Variants in LMO7 observed in about 807,000 individuals in gnomAD.
The protein encoded by LMO7 is LIM domain 7.
In LMO7, 120 loss-of-function variants were observed where a neutral mutation model predicts 206.5. That is an observed-to-expected ratio of 0.58 (90% CI 0.50 to 0.68). The LOEUF is 0.68. Among genes scored for constraint, LMO7 ranks in the 30% least tolerant of loss-of-function variants. The pLI, the probability that LMO7 is intolerant of heterozygous loss-of-function variation, is 0.00. For synonymous variants in LMO7, 706 were observed against 681.5 expected (o/e 1.04, Z -0.56); for missense variants, 1,959 against 1,957.9 (o/e 1.00, Z -0.01).
chr13:75,737,425 A>T (rs918143816), intron 3 of LMO7, among the ~76,000 whole-genome samples: 2 of 151,808 alleles, frequency 1.3e-5, no homozygotes, highest in Non-Finnish European at 2.9e-5. Context: ...ATTAATACAG[A>T]TAGGTACATG....
intron 11 of LMO7, among the ~76,000 whole-genome samples, chr13:75,812,137 C>T (rs903268668): frequency 7.8e-5 from 10 of 127,740 alleles, no homozygotes; most frequent in Non-Finnish European, 1.1e-4. Context: ...CAACTAGTGC[C>T]TTCATAGCCA....
intron 1 of LMO7, among the ~76,000 whole-genome samples, chr13:75,702,990 A>T (rs1269802052): frequency 6.6e-6 from 1 of 152,268 alleles, no homozygotes; most frequent in Non-Finnish European, 1.5e-5. Flanking sequence ...TTCAAAAAGT[A>T]TCACTAGAGT....
intron 15 of LMO7, among the ~76,000 whole-genome samples, chr13:75,830,393 T>G (rs2058548377): frequency 6.6e-6 from 1 of 152,180 alleles, no homozygotes; most frequent in South Asian, 2.1e-4. Flanking sequence ...TGCATAAGAC[T>G]TTGATTTGAA....
chr13:75,649,524 GTGTTGAAAGTATAGATT>G (rs1464902499), intron 1 of LMO7, among the ~76,000 whole-genome samples: 1 of 152,162 alleles, frequency 6.6e-6, no homozygotes, highest in East Asian at 1.9e-4. Flanking sequence ...AATCTATCAC[GTGTTGAAAGTATAGATT>G]TGTTGAAAGT....
At chr13:75,810,165 G>C (rs1405016927) in intron 11 of LMO7, among the ~76,000 whole-genome samples, 1 of 152,034 alleles carries the variant, frequency 6.6e-6, no homozygotes, top group African/African-American at 2.4e-5. Context: ...AAATCACAAG[G>C]TGGCTATATC....
chr13:75,849,360 C>T, intron 27 of LMO7, 68 bp downstream of exon 27: 1 of 1,245,742 alleles, frequency 8.0e-7, no homozygotes, highest in Non-Finnish European at 1.2e-6. Flanking sequence ...TGTAGACATC[C>T]TGGTGCTTTG....
chr13:75,649,313 TC>T (rs1295540110), intron 1 of LMO7, among the ~76,000 whole-genome samples: 4 of 152,190 alleles, frequency 2.6e-5, no homozygotes, highest in Admixed American at 1.3e-4. Flanking sequence ...GAAAATGTCT[TC>T]TGTTAGGAGG....
chr13:75,710,430 G>A (rs1232098160), intron 1 of LMO7, among the ~76,000 whole-genome samples: 5 of 152,152 alleles, frequency 3.3e-5, no homozygotes, highest in Admixed American at 1.3e-4. Context: ...CTATCCATGA[G>A]CATGGAATGT....
chr13:75,690,381 C>T (rs1231593493), intron 1 of LMO7, among the ~76,000 whole-genome samples: 2 of 152,142 alleles, frequency 1.3e-5, no homozygotes, highest in Non-Finnish European at 2.9e-5. Context: ...CCCAAAATGT[C>T]ACCAGGACCC....
At chr13:75,849,864 C>G (rs145686833) in intron 27 of LMO7, among the ~76,000 whole-genome samples, 2 of 152,138 alleles carry the variant, frequency 1.3e-5, no homozygotes, top group African/African-American at 4.8e-5. Flanking sequence ...TCAGTATTTT[C>G]TTATCTGACA....
intron 4 of LMO7, among the ~76,000 whole-genome samples, chr13:75,777,642 T>G (rs2050689207): frequency 7.9e-6 from 1 of 126,642 alleles, no homozygotes; most frequent in Admixed American, 9.3e-5. Context: ...TGATTTTCTT[T>G]TCTTGTTTTT....
intron 19 of LMO7, among the ~76,000 whole-genome samples, chr13:75,837,511 A>G (rs950689163): frequency 2.0e-5 from 3 of 152,154 alleles, no homozygotes; most frequent in Admixed American, 6.5e-5. Context: ...ATTTTATGCC[A>G]TAGTCTTGTG....
Position 75,764,560 on chromosome 13 carries a change from G to T in LMO7, c.317+3522G>T, listed in dbSNP as rs74565247. On this transcript the variant is annotated intron_variant, in intron 4 of 30. Transcript: ENST00000377534. ...AAGCAACTTGACAGAGTAGCCTAGA[G>T]GTCCTGTATTGGAGAACTTGAAGTT... 1.5e-3 allele frequency among the ~76,000 whole-genome samples: 222 copies of T among 152,224 alleles called. 1 individual carries two copies. Among genetic ancestry groups the T allele is most frequent in the African/African-American group, 5.1e-3 (211 of 41,546 alleles).
upstream of LMO7, among the ~76,000 whole-genome samples, chr13:75,633,419 C>A (rs564994597): frequency 6.6e-6 from 1 of 152,266 alleles, no homozygotes; most frequent in African/African-American, 2.4e-5. Context: ...AAACAAAAAC[C>A]ATCACCCCAG....
At chr13:75,735,117 G>T (rs905325038) in intron 3 of LMO7, among the ~76,000 whole-genome samples, 3 of 41,712 alleles carry the variant, frequency 7.2e-5, no homozygotes, top group Non-Finnish European at 1.8e-4. Flanking sequence ...AAAAAATTAC[G>T]TGTGTGTGTG....
At chr13:75,855,954 G>A (rs901756425) in intron 29 of LMO7, among the ~76,000 whole-genome samples, 1 of 152,192 alleles carries the variant, frequency 6.6e-6, no homozygotes, top group Non-Finnish European at 1.5e-5. Flanking sequence ...CTGGAGGCCC[G>A]CAGACCACAG....
intron 1 of LMO7, among the ~76,000 whole-genome samples, chr13:75,660,291 C>T (rs964316390): frequency 2.6e-5 from 4 of 151,998 alleles, no homozygotes; most frequent in African/African-American, 9.7e-5. Context: ...GTTTATTGCC[C>T]CATTTTACTC....
intron 11 of LMO7, among the ~76,000 whole-genome samples, chr13:75,813,785 C>A (rs1459852520): frequency 1.3e-5 from 2 of 152,200 alleles, no homozygotes; most frequent in African/African-American, 4.8e-5. Flanking sequence ...AGGATTAGGG[C>A]CAAAGGAGAG....
In LMO7 at chr13:75,838,165, C is replaced by G; in HGVS notation, c.3420C>G (p.Asn1140Lys). The change falls in exon 20 of 31, where the codon AAC becomes AAG. Residue 1140 changes from asparagine (N) to lysine (K), a missense_variant. By Grantham distance (94) the Asn-to-Lys change is moderately conservative. Transcript: ENST00000377534. The stretch of plus-strand genomic sequence containing the variant: ...CATCTGAATCCATTTCTTTGAAAAA[C>G]TTAAAAAGGCGATCACAATTTTTTG... ...SKASESISLKNLKRRSQFFEQ... is the reference protein window; with the variant it reads ...SKASESISLKKLKRRSQFFEQ... The G allele has an allele frequency of 6.2e-7, 1 of 1,602,888 alleles. No individual in the cohort carries two copies.
Sources: allele counts gnomAD v4.1 joint callset (sites outside exome capture counted in the v4.1 genomes callset), GRCh38; gene constraint gnomAD v4.1.1; transcripts MANE v1.5; gene names NCBI Gene and HGNC (gene_info 2026-07-23, HGNC 2026-07-21).